Variants in IGF1R observed in about 807,000 individuals in gnomAD.
The protein encoded by IGF1R is insulin-like growth factor 1 receptor.
Under a neutral mutation model 144.6 loss-of-function variants are expected in IGF1R, and 44 were observed. The ratio of observed to expected loss-of-function variants is 0.30; its 90% CI spans 0.24 to 0.39. IGF1R has a LOEUF of 0.39. Among genes scored for constraint, IGF1R ranks in the 10% least tolerant of loss-of-function variants. IGF1R has a pLI of 1.00. For missense variants in IGF1R, 1,355 were observed against 1,833.7 expected (o/e 0.74, Z 4.77); for synonymous variants, 795 against 722.8 (o/e 1.10, Z -1.60).
chr15:98,697,632 T>A (rs1203059237), intron 1 of IGF1R, among the ~76,000 whole-genome samples: 1 of 127,212 alleles, frequency 7.9e-6, no homozygotes, highest in Non-Finnish European at 1.8e-5. Flanking sequence ...GTGGACGGGC[T>A]GTGTGGTCTC....
At chr15:98,725,831 A>C (rs1021061439) in intron 2 of IGF1R, among the ~76,000 whole-genome samples, 1 of 152,224 alleles carries the variant, frequency 6.6e-6, no homozygotes, top group South Asian at 2.1e-4. Flanking sequence ...TGGTGGCAGC[A>C]AGAGAAAATG....
At position 98,648,611 on chromosome 15, in the gene IGF1R, G is replaced by A. The variant is rs1232439318; in HGVS notation, c.-971G>A. ...TTACCAGCATTAACTCCGCTGAGCG[G>A]AAAAAAAAAGGGAAAAAACCCGAGG... On this transcript the variant is annotated 5_prime_UTR_variant, in exon 1 of 21. Transcript: ENST00000650285. Among the ~76,000 whole-genome samples, 1 of 144,328 alleles carries A rather than the reference G, an allele frequency of 6.9e-6. No individual in the cohort carries two copies. Among genetic ancestry groups the A allele is most frequent in the African/African-American group, 2.5e-5 (1 of 40,026 alleles). The allele number at this position is 144,328 out of a possible 152,430, so 94.7% of individuals were successfully genotyped here.
At chr15:98,938,254 C>G (rs909366666) in intron 17 of IGF1R, among the ~76,000 whole-genome samples, 2 of 152,168 alleles carry the variant, frequency 1.3e-5, no homozygotes, top group African/African-American at 4.8e-5. Context: ...AGCTGGTGGC[C>G]GGCCTGCAAG....
chr15:98,939,786 T>C (rs369975374), intron 18 of IGF1R, among the ~76,000 whole-genome samples: 22 of 152,362 alleles, frequency 1.4e-4, no homozygotes, highest in Admixed American at 3.3e-4. Context: ...CATTGGTTTC[T>C]AAGAGGCAAG....
chr15:98,844,369 A>ATATTC (rs1352836740), intron 2 of IGF1R, among the ~76,000 whole-genome samples: 2 of 152,204 alleles, frequency 1.3e-5, no homozygotes, highest in African/African-American at 4.8e-5. Context: ...GAGAAAAGGT[A>ATATTC]TATTCTAAGT....
intron 2 of IGF1R, among the ~76,000 whole-genome samples, chr15:98,759,075 T>G (rs193095553): frequency 1.4e-4 from 21 of 152,322 alleles, no homozygotes; most frequent in Admixed American, 3.3e-4. Context: ...TCATCCTCTG[T>G]CTCCATCACT....
chr15:98,902,133 G>A (rs767473038), intron 5 of IGF1R, among the ~76,000 whole-genome samples: 1 of 152,018 alleles, frequency 6.6e-6, no homozygotes, highest in African/African-American at 2.4e-5. Context: ...TGGGGGCAGG[G>A]GTGGAGTTGA....
intron 2 of IGF1R, among the ~76,000 whole-genome samples, chr15:98,719,582 C>T (rs2054199879): frequency 6.6e-6 from 1 of 152,148 alleles, no homozygotes; most frequent in South Asian, 2.1e-4. Context: ...AACAAAACAG[C>T]CAAACTTGAC....
intron 2 of IGF1R, among the ~76,000 whole-genome samples, chr15:98,814,510 C>T (rs763307192): frequency 5.9e-5 from 9 of 152,268 alleles, no homozygotes; most frequent in Non-Finnish European, 1.3e-4. Flanking sequence ...CTATGCCCAG[C>T]TAATTTTTAA....
intron 2 of IGF1R, among the ~76,000 whole-genome samples, chr15:98,845,964 G>A (rs921147042): frequency 1.1e-4 from 17 of 152,138 alleles, no homozygotes; most frequent in Non-Finnish European, 2.1e-4. Flanking sequence ...CAATATCCTT[G>A]GTTTGCCTGG....
At chr15:98,821,478 G>C (rs1351512512) in intron 2 of IGF1R, among the ~76,000 whole-genome samples, 1 of 152,162 alleles carries the variant, frequency 6.6e-6, no homozygotes, top group Non-Finnish European at 1.5e-5. Context: ...TTTTCTGCTG[G>C]ATTTCAAGTT....
chr15:98,792,611 T>A (rs2056152734), intron 2 of IGF1R, among the ~76,000 whole-genome samples: 2 of 152,290 alleles, frequency 1.3e-5, no homozygotes, highest in South Asian at 4.1e-4. Flanking sequence ...AATTAGGGGA[T>A]CTTTTCATAT....
In IGF1R at chr15:98,891,622, G is replaced by C; in HGVS notation, c.938G>C (p.Arg313Pro). Reference sequence around the variant, plus strand: ...CAGGAGTGCCCCTCGGGCTTCATCCGCAACGGCAGCCAGAGGTCAGTCGCG... The same window carrying C: ...CAGGAGTGCCCCTCGGGCTTCATCCCCAACGGCAGCCAGAGGTCAGTCGCG... ...CMQECPSGFIRNGSQSMYCIP... is the reference protein window; with the variant it reads ...CMQECPSGFIPNGSQSMYCIP... The change falls in exon 3 of 21, where the codon CGC becomes CCC. Residue 313 changes from arginine to proline, a missense_variant. By Grantham distance (103) the Arg-to-Pro change is moderately radical (BLOSUM62 -2). Coordinates refer to ENST00000650285, the MANE Select transcript of IGF1R (RefSeq NM_000875.5). This position sits in a 1 kb window ranked among gnomAD's most constrained non-coding sequence, Gnocchi z 4.7. The C allele has an allele frequency of 2.5e-6, 4 of 1,601,102 alleles. No homozygotes were observed. The highest frequency in any genetic ancestry group is 3.4e-6 in the Non-Finnish European group (4 of 1,179,922).
chr15:98,762,677 G>A (rs111366730), intron 2 of IGF1R, among the ~76,000 whole-genome samples: 2,516 of 152,104 alleles, frequency 0.017, 67 homozygotes, highest in African/African-American at 0.057. Flanking sequence ...GCAGTGAACC[G>A]AGATTGCATC....
intron 2 of IGF1R, among the ~76,000 whole-genome samples, chr15:98,709,395 G>T (rs2053940960): frequency 6.6e-6 from 1 of 152,146 alleles, no homozygotes; most frequent in Admixed American, 6.5e-5. Context: ...ATTGATTAGT[G>T]AGGGCAGGGG....
rs944521624 is a variant in IGF1R, at chr15:98,952,506, G to A, written c.3722+3798G>A. On this transcript the variant is annotated intron_variant, in intron 20 of 20. Transcript: ENST00000650285. ...AGTGCTAGAATCTAGGCTAATACTA[G>A]AACTGGTGGTATTTTAGCAAGCTTA... Among the ~76,000 whole-genome samples, 3 of 152,214 alleles carry A rather than the reference G, an allele frequency of 2.0e-5. No homozygotes were observed. In the East Asian group the frequency reaches 5.8e-4, roughly 29 times the overall value.
In IGF1R at chr15:98,904,122, G is replaced by A. The variant is rs114885336; in HGVS notation, c.1247+4501G>A. 2.8e-3 allele frequency among the ~76,000 whole-genome samples: 421 copies of A among 149,762 alleles called. 3 individuals are homozygous for A. The highest frequency in any genetic ancestry group is 9.8e-3 in the African/African-American group (399 of 40,714). On this transcript the variant is annotated intron_variant, in intron 5 of 20. Transcript: ENST00000650285. Reference sequence around the variant, plus strand: ...GGCTGCAGTGCAGTGGCGCTGTCTCGGATCACTGCAAGCTCCGCCTCCGGG... The same window carrying A: ...GGCTGCAGTGCAGTGGCGCTGTCTCAGATCACTGCAAGCTCCGCCTCCGGG...
intron 1 of IGF1R, among the ~76,000 whole-genome samples, chr15:98,663,123 A>T (rs774474630): frequency 6.6e-6 from 1 of 152,146 alleles, no homozygotes; most frequent in Non-Finnish European, 1.5e-5. Flanking sequence ...GGAAGCAGGA[A>T]TGGACTGGAC....
chr15:98,778,650 C>G (rs1253679668), intron 2 of IGF1R, among the ~76,000 whole-genome samples: 1 of 152,212 alleles, frequency 6.6e-6, no homozygotes, highest in Non-Finnish European at 1.5e-5. Flanking sequence ...GCCCATAGCT[C>G]TCTATCTTGG....
Sources: gnomAD v4.1 joint callset for allele counts (sites outside exome capture counted in the v4.1 genomes callset) on GRCh38, gnomAD v4.1.1 for gene constraint, Gnocchi (gnomAD v3.1) non-coding constraint, MANE v1.5 for transcripts, NCBI Gene and HGNC (gene_info 2026-07-23, HGNC 2026-07-21) for gene names.